TMBIM1: variants seen among roughly 807,000 people sequenced by gnomAD.
The protein encoded by TMBIM1 is transmembrane BAX inhibitor motif containing 1.
In TMBIM1, 34 loss-of-function variants were observed where a neutral mutation model predicts 45.1. The ratio of observed to expected loss-of-function variants is 0.75; its 90% CI spans 0.57 to 1.00. The LOEUF (loss-of-function observed/expected upper bound fraction) is 1.00. Among genes scored for constraint, TMBIM1 ranks in the 50% least tolerant of loss-of-function variants. TMBIM1 has a pLI of 0.00. For synonymous variants in TMBIM1, 157 were observed against 153.5 expected (o/e 1.02, Z -0.17); for missense variants, 374 against 402.4 (o/e 0.93, Z 0.60).
rs1206439035 is a variant in TMBIM1, at chr2:218,282,113, TATG to T, written c.26_28del (p.Pro9_Tyr10delinsHis). On this transcript the variant is annotated inframe_deletion, in exon 2 of 12. Coordinates refer to ENST00000258412, the MANE Select transcript of TMBIM1 (RefSeq NM_022152.6). ...TGGGTACAGGGGGTTGCGGTCTTCA[TATG>T]GTGGTGGGGCGCTGGGGTTGGACAT... 3.3e-6 allele frequency: 5 copies of T among 1,538,022 alleles called. No individual in the cohort carries two copies. The East Asian group carries it at 9.7e-5, about 30-fold the overall frequency.
In TMBIM1 at chr2:218,279,031, C is replaced by T; in HGVS notation, c.422+7G>A. 1 of 1,614,118 alleles carries T rather than the reference C, an allele frequency of 6.2e-7. No individual in the cohort carries two copies. Among genetic ancestry groups the T allele is most frequent in the African/African-American group, 1.3e-5 (1 of 75,046 alleles). The stretch of plus-strand genomic sequence containing the variant: ...CCCTGCCCAACCACAGAGGAGCACA[C>T]ACTCACTAGGACACGTAGTAGACAG... On this transcript the variant is annotated splice_region_variant and intron_variant, in intron 5 of 11. Coordinates refer to ENST00000258412, the MANE Select transcript of TMBIM1 (RefSeq NM_022152.6).
At chr2:218,287,155 A>G (rs1309411543) in intron 1 of TMBIM1, 1 of 152,204 alleles carries the variant, frequency 6.6e-6, no homozygotes, top group Non-Finnish European at 1.5e-5. Context: ...GGATGAAGCC[A>G]CAGGGATCTA....
chr2:218,287,763 C>T (rs1692636398), intron 1 of TMBIM1, among the ~76,000 whole-genome samples: 1 of 152,040 alleles, frequency 6.6e-6, no homozygotes, highest in Admixed American at 6.5e-5. Flanking sequence ...GAGGCCACCC[C>T]TCCCAGCCCC....
intron 1 of TMBIM1, chr2:218,286,940 T>C (rs1692569236): frequency 6.6e-6 from 1 of 152,070 alleles, no homozygotes; most frequent in African/African-American, 2.4e-5. Flanking sequence ...GACGATTTGT[T>C]CCCCTCCCTT....
chr2:218,286,615 C>T lies in TMBIM1; in HGVS notation c.-40-4434G>A, dbSNP rs982587222. The T allele has an allele frequency of 3.9e-5, 6 of 152,296 alleles. No individual in the cohort carries two copies. In the East Asian group the frequency reaches 7.7e-4, roughly 20 times the overall value. 9.4% of individuals were successfully genotyped at this position (152,296 alleles called of 1,614,324 possible). ...GTGTCAAGGTTTTCAGATGCAGAGG[C>T]GGAAGCACCTCCTCCCCTGGAGCCC... is the stretch of plus-strand genomic sequence containing the variant. On this transcript the variant is annotated intron_variant, in intron 1 of 11. Coordinates refer to ENST00000258412, the MANE Select transcript of TMBIM1 (RefSeq NM_022152.6).
At chr2:218,282,921 C>A (rs1226395961) in intron 1 of TMBIM1, among the ~76,000 whole-genome samples, 1 of 152,154 alleles carries the variant, frequency 6.6e-6, no homozygotes, top group Non-Finnish European at 1.5e-5. Flanking sequence ...GAAAGGCATG[C>A]GGCAGCCTGC....
intron 6 of TMBIM1, 128 bp from the exon 7 acceptor site, chr2:218,278,102 G>A: frequency 9.2e-7 from 1 of 1,086,132 alleles, no homozygotes; most frequent in Middle Eastern, 2.4e-4. Context: ...GAGGGAGGTT[G>A]GCATGGCCTT....
At chr2:218,280,398 G>C (rs1026278528) in intron 2 of TMBIM1, 3 of 395,490 alleles carry the variant, frequency 7.6e-6, no homozygotes, top group African/African-American at 2.1e-5. Context: ...TTCACTGGGG[G>C]GTCACGATGT....
chr2:218,279,957 G>C (rs779414623), intron 3 of TMBIM1, 69 bp downstream of exon 3: 1 of 1,153,826 alleles, frequency 8.7e-7, no homozygotes, highest in Admixed American at 1.7e-5. Flanking sequence ...GGCTACTGTG[G>C]CCTACCCACT....
At position 218,284,646 on chromosome 2, in the gene TMBIM1, GTCCT is replaced by G. The variant is rs576943223; in HGVS notation, c.-40-2469_-40-2466del. Among the ~76,000 whole-genome samples, 3 of 152,322 alleles carry G rather than the reference GTCCT, an allele frequency of 2.0e-5. No individual in the cohort carries two copies. In the South Asian group the frequency reaches 6.2e-4, roughly 32 times the overall value. On this transcript the variant is annotated intron_variant, in intron 1 of 11. Coordinates refer to ENST00000258412, the MANE Select transcript of TMBIM1 (RefSeq NM_022152.6). ...ACTGCACACAGCAGTTTCCAGGCCA[GTCCT>G]TCGGGTACCTCAGCCACCAGCCCAT...
chr2:218,284,279 G>A (rs1336923425), intron 1 of TMBIM1: 1 of 152,206 alleles, frequency 6.6e-6, no homozygotes, highest in Non-Finnish European at 1.5e-5. Flanking sequence ...GTGAAATAAG[G>A]TGGGGGCGAC....
At chr2:218,282,855 G>C (rs1298586191) in intron 1 of TMBIM1, among the ~76,000 whole-genome samples, 7 of 152,248 alleles carry the variant, frequency 4.6e-5, no homozygotes, top group Non-Finnish European at 1.0e-4. Flanking sequence ...CTGTGCCAAA[G>C]GGCCAGCTTG....
intron 9 of TMBIM1, 101 bp downstream of exon 9, chr2:218,277,265 A>C: frequency 8.2e-7 from 1 of 1,226,914 alleles, no homozygotes; most frequent in Non-Finnish European, 1.2e-6. Flanking sequence ...GGATGAGGAG[A>C]AGGGGATCAG....
chr2:218,278,141 G>GACA, intron 6 of TMBIM1, 167 bp from the exon 7 acceptor site: 1 of 690,660 alleles, frequency 1.4e-6, no homozygotes, highest in Non-Finnish European at 2.4e-6. Flanking sequence ...GGTACGCAGG[G>GACA]ACAACATGGG....
chr2:218,279,676 G>C (rs1691664681), intron 3 of TMBIM1: 1 of 488,260 alleles, frequency 2.0e-6, no homozygotes, highest in African/African-American at 1.9e-5. Context: ...CTGTGAGATG[G>C]AGAGGGTGGG....
In TMBIM1 at chr2:218,277,165, C is replaced by G. The variant is rs192269123; in HGVS notation, c.640-66G>C. On this transcript the variant is annotated intron_variant, in intron 9 of 11. Coordinates refer to ENST00000258412, the MANE Select transcript of TMBIM1 (RefSeq NM_022152.6). ...GACAACCAGCCCAGTCAGACTGGCC[C>G]TGCCAGGGAGTCCCAGTGCTGCCTC... 1,249 of 1,446,048 alleles carry G rather than the reference C, an allele frequency of 8.6e-4. 8 individuals are homozygous for G. In the African/African-American group the frequency reaches 0.016, roughly 18 times the overall value. The allele number at this position is 1,446,048 out of a possible 1,614,324, so 89.6% of individuals were successfully genotyped here.
rs1691732833 is a variant in TMBIM1 at position 218,280,141 on chromosome 2, C to G, written c.203-15G>C. 6.3e-7 allele frequency: 1 copy of G among 1,592,422 alleles called. No homozygotes were observed. The highest frequency in any genetic ancestry group is 1.1e-5 in the South Asian group (1 of 90,654). On this transcript the variant is annotated splice_polypyrimidine_tract_variant and intron_variant, in intron 2 of 11. Coordinates refer to ENST00000258412, the MANE Select transcript of TMBIM1 (RefSeq NM_022152.6). ...ATGGCCTGGGCCTAGGGACAGATGACACTTGACTCAGCTGGGGACCTGAGA... is the reference window on the plus strand; with the variant it reads ...ATGGCCTGGGCCTAGGGACAGATGAGACTTGACTCAGCTGGGGACCTGAGA...
chr2:218,276,344 G>GA (rs1208753701), intron 10 of TMBIM1, among the ~76,000 whole-genome samples: 2 of 152,094 alleles, frequency 1.3e-5, no homozygotes, highest in East Asian at 3.8e-4. Context: ...TATACTTCTA[G>GA]AAAAAAAGCA....
rs754560812 is a variant in TMBIM1, at chr2:218,279,310, A to G, written c.347T>C (p.Ile116Thr). The part of the protein sequence containing the change: ...ISVQLLITVA[I>T]IAIFTFVEPV... ...TTACACAAAGGTGAAGATAGCAATG[A>G]TGGCCACAGTGATGAGCAGCTGCAC... Residue 116 changes from isoleucine (I) to threonine (T), a missense_variant, in exon 4 of 12, where the codon ATC becomes ACC. Coordinates refer to ENST00000258412, the MANE Select transcript of TMBIM1 (RefSeq NM_022152.6). The G allele has an allele frequency of 3.1e-6, 5 of 1,588,944 alleles. No individual in the cohort carries two copies. The East Asian group carries it at 9.0e-5, about 29-fold the overall frequency.
Sources: gnomAD v4.1 joint callset for allele counts (sites outside exome capture counted in the v4.1 genomes callset) on GRCh38, gnomAD v4.1.1 for gene constraint, MANE v1.5 for transcripts, NCBI Gene and HGNC (gene_info 2026-07-23, HGNC 2026-07-21) for gene names.